Variants in NUP160 observed in about 807,000 individuals in gnomAD.
NUP160 encodes the protein nuclear pore complex protein Nup160.
A neutral mutation model predicts 196.9 loss-of-function variants in NUP160; 94 were observed. The ratio of observed to expected loss-of-function variants is 0.48; its 90% CI spans 0.40 to 0.57. The LOEUF (loss-of-function observed/expected upper bound fraction) is 0.57. Ranked by LOEUF, NUP160 falls within the 20% of genes least tolerant of loss-of-function variation. The pLI is 0.00. For synonymous variants in NUP160, 605 were observed against 619.7 expected, an observed-to-expected ratio of 0.98 and a Z score of 0.35; for missense variants, 1,638 against 1,748.3, an observed-to-expected ratio of 0.94 and a Z score of 1.13.
At chr11:47,816,121 T>A in intron 11 of NUP160, 92 bp from the exon 12 acceptor site, 1 of 818,268 alleles carries the variant, frequency 1.2e-6, no homozygotes, top group East Asian at 2.7e-5. Context: ...AATATAAAAC[T>A]ATATAATAGA....
At chr11:47,812,914 C>T (rs773374077) in exon 15 of NUP160, 93 of 1,613,578 alleles carry the variant, frequency 5.8e-5, no homozygotes, top group Non-Finnish European at 7.8e-5. Flanking sequence ...CCAGAATCTG[C>T]TCTGCAGCCT....
At chr11:47,796,015 G>T (rs1326236809) in intron 27 of NUP160, among the ~76,000 whole-genome samples, 1 of 151,824 alleles carries the variant, frequency 6.6e-6, no homozygotes, top group Non-Finnish European at 1.5e-5. Flanking sequence ...TTAACCGGGC[G>T]TGGTGGTAGG....
At chr11:47,786,476 A>G (rs2097664589) in exon 32 of NUP160, 2 of 1,613,684 alleles carry the variant, frequency 1.2e-6, no homozygotes, top group African/African-American at 2.7e-5. Context: ...TAGTGATGAC[A>G]GATGAGAGCT....
chr11:47,818,189 A>T, intron 10 of NUP160, 65 bp from the exon 11 acceptor site: 1 of 1,039,364 alleles, frequency 9.6e-7, no homozygotes, highest in Middle Eastern at 2.1e-4. Flanking sequence ...AACACATAAC[A>T]CCAAAGTTTG....
At chr11:47,813,959 T>A (rs1279115633) in intron 13 of NUP160, among the ~76,000 whole-genome samples, 1 of 148,998 alleles carries the variant, frequency 6.7e-6, no homozygotes, top group African/African-American at 2.5e-5. Context: ...TAGTCCCAGC[T>A]ACTGGTGAGG....
chr11:47,840,320 C>T, intron 3 of NUP160, 58 bp downstream of exon 3: 1 of 1,436,000 alleles, frequency 7.0e-7, no homozygotes, highest in Non-Finnish European at 9.8e-7. Context: ...TCCAGCACTA[C>T]ATTTGTGACA....
chr11:47,793,816 T>C (rs554166732), intron 27 of NUP160, among the ~76,000 whole-genome samples: 16 of 141,232 alleles, frequency 1.1e-4, no homozygotes, highest in Admixed American at 6.1e-4. Context: ...TCTCAGCTCA[T>C]TGCAATCTCT....
chr11:47,813,334 C>T, exon 14 of NUP160: 1 of 1,603,202 alleles, frequency 6.2e-7, no homozygotes, highest in Non-Finnish European at 8.5e-7. Flanking sequence ...ATGGTTGTCT[C>T]ATCTTCTGTC....
chr11:47,826,751 C>A (rs559555113), intron 7 of NUP160, among the ~76,000 whole-genome samples: 27 of 152,166 alleles, frequency 1.8e-4, no homozygotes, highest in Admixed American at 1.5e-3. Flanking sequence ...TTAGTACAGT[C>A]GGGGTTTCAC....
At chr11:47,805,782 C>A (rs908897401) in intron 20 of NUP160, among the ~76,000 whole-genome samples, 17 of 151,926 alleles carry the variant, frequency 1.1e-4, no homozygotes, top group Admixed American at 1.3e-4. Context: ...TATTTCATTA[C>A]ATAGGCAGAA....
Position 47,791,983 on chromosome 11 carries a change from C to T in NUP160, c.3458G>A (p.Arg1153His), listed in dbSNP as rs775312288. 9 of 1,607,626 alleles carry T rather than the reference C, an allele frequency of 5.6e-6. No individual in the cohort carries two copies. In the African/African-American group the frequency reaches 9.4e-5, roughly 17 times the overall value. Residue 1153 changes from arginine (R) to histidine (H), a missense_variant, in exon 29 of 36, where the codon CGC (arginine) becomes CAC (histidine). Physicochemically the swap from Arg to His is conservative, Grantham distance 29 (BLOSUM62 0). Coordinates refer to ENST00000378460, the Ensembl canonical transcript of NUP160. ...ATTCCTCTTAGGGGATGCTCCAGGG[C>T]GATCATACTGATAAAACAAAACAAG...
At chr11:47,819,513 G>A (rs1565201352) in intron 9 of NUP160, 55 bp from the exon 10 acceptor site, 4 of 1,270,430 alleles carry the variant, frequency 3.1e-6, no homozygotes, top group Non-Finnish European at 4.6e-6. Context: ...AAAATGAAAT[G>A]TATGCTGTTG....
exon 13 of NUP160, chr11:47,815,589 C>G (rs767053045): frequency 3.7e-6 from 6 of 1,612,782 alleles, no homozygotes; most frequent in Non-Finnish European, 2.5e-6. Context: ...CACCAGAATT[C>G]TTGTTGTAAA....
chr11:47,837,930 C>CCAGGCACAGTT (rs1852207651), intron 4 of NUP160, among the ~76,000 whole-genome samples: 1 of 152,176 alleles, frequency 6.6e-6, no homozygotes, highest in East Asian at 1.9e-4. Flanking sequence ...CTTTCATGTG[C>CCAGGCACAGTT]CAGGCACAGT....
chr11:47,824,977 A>G (rs1851939201), intron 7 of NUP160, among the ~76,000 whole-genome samples: 1 of 151,638 alleles, frequency 6.6e-6, no homozygotes, highest in Non-Finnish European at 1.5e-5. Context: ...CTGGGACTAC[A>G]GGCGCCTGCC....
intron 17 of NUP160, among the ~76,000 whole-genome samples, chr11:47,810,578 G>A (rs995130094): frequency 6.8e-5 from 10 of 147,858 alleles, no homozygotes; most frequent in African/African-American, 1.2e-4. Context: ...ACAGAATCTC[G>A]CTCTGTCACA....
chr11:47,848,505 G>A (rs185256226), upstream of NUP160: 2 of 1,098,494 alleles, frequency 1.8e-6, no homozygotes, highest in Admixed American at 2.7e-5. Flanking sequence ...ATCCAGAAGA[G>A]AAGGGGGCAG....
intron 17 of NUP160, among the ~76,000 whole-genome samples, chr11:47,809,680 G>A (rs1041083732): frequency 1.0e-4 from 15 of 144,546 alleles, no homozygotes; most frequent in African/African-American, 2.3e-4. Flanking sequence ...CCCAGGAGGC[G>A]GAGGTTGCAG....
chr11:47,824,771 C>G (rs1851934147), intron 7 of NUP160, among the ~76,000 whole-genome samples: 2 of 151,892 alleles, frequency 1.3e-5, no homozygotes. Flanking sequence ...TCCCTAATAG[C>G]TAGTAATGCA....
Sources: allele counts gnomAD v4.1 joint callset (sites outside exome capture counted in the v4.1 genomes callset), GRCh38; gene constraint gnomAD v4.1.1; transcripts MANE v1.5; gene names NCBI Gene and HGNC (gene_info 2026-07-23, HGNC 2026-07-21).